GPR158: variants seen among roughly 807,000 people sequenced by gnomAD.
GPR158 encodes the protein G protein-coupled receptor 158, also known as metabotropic glycine receptor.
Under a neutral mutation model 78.2 loss-of-function variants are expected in GPR158, and 30 were observed. The ratio of observed to expected loss-of-function variants is 0.38; its 90% confidence interval spans 0.29 to 0.52. The LOEUF is 0.52. Ranked by LOEUF, GPR158 falls within the 20% of genes least tolerant of loss-of-function variation. GPR158 has a pLI of 0.83. For synonymous variants in GPR158, 581 were observed against 591.1 expected (o/e 0.98, Z 0.25); for missense variants, 1,463 against 1,523.5 (o/e 0.96, Z 0.66).
chr10:25,364,437 GAAT>G (rs1205048036), intron 2 of GPR158, among the ~76,000 whole-genome samples: 9 of 151,754 alleles, frequency 5.9e-5, no homozygotes, highest in Admixed American at 5.9e-4. Flanking sequence ...AACAATCCGT[GAAT>G]AATGATTTGA....
chr10:25,495,177 A>G (rs1209979030), intron 5 of GPR158, among the ~76,000 whole-genome samples: 1 of 151,774 alleles, frequency 6.6e-6, no homozygotes, highest in Non-Finnish European at 1.5e-5. Flanking sequence ...ATATATAAGT[A>G]CATGAGGAAC....
At position 25,350,013 on chromosome 10, in the gene GPR158, A is replaced by G. The variant is rs141490037; in HGVS notation, c.1009-45898A>G. Among the ~76,000 whole-genome samples the G allele has an allele frequency of 4.4e-3, 669 of 152,140 alleles. 6 individuals are homozygous for G. Among genetic ancestry groups the G allele is most frequent in the African/African-American group, 0.015 (634 of 41,546 alleles). The stretch of plus-strand genomic sequence containing the variant: ...GGAAGTAGTTTGATTCTTCTTGTAA[A>G]GATGACCTTGGTGGTAATAAAAGTT... On this transcript the variant is annotated intron_variant, in intron 2 of 10. Coordinates refer to ENST00000376351, the MANE Select transcript of GPR158 (RefSeq NM_020752.3).
intron 1 of GPR158, among the ~76,000 whole-genome samples, chr10:25,207,114 TTGTC>T (rs1314078097): frequency 6.6e-6 from 1 of 152,078 alleles, no homozygotes; most frequent in Non-Finnish European, 1.5e-5. Context: ...AATCTGCTCT[TTGTC>T]TGGGGGGAGA....
chr10:25,289,568 G>A (rs1481862793), intron 2 of GPR158, among the ~76,000 whole-genome samples: 2 of 151,908 alleles, frequency 1.3e-5, no homozygotes, highest in Admixed American at 1.3e-4. Flanking sequence ...GAGTAGCTGG[G>A]ACTACAGGCG....
At chr10:25,455,370 A>T (rs1176537063) in intron 4 of GPR158, among the ~76,000 whole-genome samples, 3 of 152,172 alleles carry the variant, frequency 2.0e-5, no homozygotes, top group Admixed American at 6.5e-5. Context: ...AATTGCTTTT[A>T]AAAAAATCTG....
intron 2 of GPR158, among the ~76,000 whole-genome samples, chr10:25,327,496 T>C (rs1478851700): frequency 6.6e-6 from 1 of 152,224 alleles, no homozygotes; most frequent in African/African-American, 2.4e-5. Flanking sequence ...TGGTGCACAC[T>C]GGGCTGGCTG....
chr10:25,182,355 CAT>C (rs111572973), intron 1 of GPR158, among the ~76,000 whole-genome samples: 58 of 152,272 alleles, frequency 3.8e-4, no homozygotes, highest in African/African-American at 1.3e-3. Flanking sequence ...CGAGAGAATA[CAT>C]GTTTCGACAT....
In GPR158 at chr10:25,392,076, G is replaced by T. The variant is rs146814495; in HGVS notation, c.1009-3835G>T. On this transcript the variant is annotated intron_variant, in intron 2 of 10. Transcript: ENST00000376351. ...TTTTGCCTTCCGCCATGATTGTGAG[G>T]CCTCCCCAGCCATGTGGAACTGTGA... is the stretch of plus-strand genomic sequence containing the variant. 2.8e-4 allele frequency among the ~76,000 whole-genome samples: 43 copies of T among 152,226 alleles called. No individual in the cohort carries two copies. The East Asian group carries it at 8.1e-3, about 29-fold the overall frequency.
intron 6 of GPR158, among the ~76,000 whole-genome samples, chr10:25,571,969 A>T (rs1018390796): frequency 7.2e-5 from 11 of 152,194 alleles, no homozygotes; most frequent in African/African-American, 2.4e-4. Flanking sequence ...TGATAAAATG[A>T]CCATGAAAGT....
intron 5 of GPR158, among the ~76,000 whole-genome samples, chr10:25,539,840 A>C (rs1167665241): frequency 1.3e-5 from 2 of 152,332 alleles, no homozygotes; most frequent in East Asian, 3.9e-4. Context: ...CAAAATTACT[A>C]TGGAATCAAA....
chr10:25,449,583 T>G (rs1454741970), intron 4 of GPR158, among the ~76,000 whole-genome samples: 1 of 152,174 alleles, frequency 6.6e-6, no homozygotes, highest in East Asian at 1.9e-4. Context: ...AGAACAGTGG[T>G]TACCAGGGGT....
At chr10:25,199,172 A>C (rs919007619) in intron 1 of GPR158, among the ~76,000 whole-genome samples, 2 of 150,576 alleles carry the variant, frequency 1.3e-5, no homozygotes, top group Admixed American at 1.3e-4. Flanking sequence ...TTACATGTAC[A>C]GGTCTGTTAT....
rs535545777 is a variant in GPR158 at position 25,533,887 on chromosome 10, A to G, written c.1405-17089A>G. On this transcript the variant is annotated intron_variant, in intron 5 of 10. Transcript: ENST00000376351. ...TTACCAGCTATGTGACCTGGGGCAAATTCCTTAACTTTGCCTCAGCTTCCC... is the reference window on the plus strand; with the variant it reads ...TTACCAGCTATGTGACCTGGGGCAAGTTCCTTAACTTTGCCTCAGCTTCCC... 3.3e-5 allele frequency among the ~76,000 whole-genome samples: 5 copies of G among 152,310 alleles called. 1 individual carries two copies. The South Asian group carries it at 6.2e-4, about 19-fold the overall frequency.
rs78548348 is a variant in GPR158 at position 25,211,751 on chromosome 10, G to T, written c.903-9301G>T. 5.4e-3 allele frequency among the ~76,000 whole-genome samples: 818 copies of T among 152,254 alleles called. 11 individuals carry two copies. The highest frequency in any genetic ancestry group is 0.019 in the African/African-American group (793 of 41,536). On this transcript the variant is annotated intron_variant, in intron 1 of 10. Coordinates refer to ENST00000376351, the MANE Select transcript of GPR158 (RefSeq NM_020752.3). ...ATATAATTTTACCTTTCGCAGTCAA[G>T]TTGTTAACATTTGGAATATACCTGT... is the stretch of plus-strand genomic sequence containing the variant.
intron 4 of GPR158, among the ~76,000 whole-genome samples, chr10:25,435,159 G>A (rs574318939): frequency 6.6e-6 from 1 of 152,208 alleles, no homozygotes; most frequent in South Asian, 2.1e-4. Flanking sequence ...TAAGTTCTCA[G>A]GCATTGTTTA....
intron 5 of GPR158, among the ~76,000 whole-genome samples, chr10:25,483,175 C>T (rs1185796242): frequency 6.6e-6 from 1 of 151,840 alleles, no homozygotes; most frequent in African/African-American, 2.4e-5. Flanking sequence ...GTAGTGCTAC[C>T]CCTGCTCAAA....
At chr10:25,453,257 G>T (rs1835246084) in intron 4 of GPR158, among the ~76,000 whole-genome samples, 1 of 152,108 alleles carries the variant, frequency 6.6e-6, no homozygotes, top group Admixed American at 6.5e-5. Context: ...GGGATTACTG[G>T]ATCATACGAT....
chr10:25,439,432 T>C (rs1444801056), intron 4 of GPR158, among the ~76,000 whole-genome samples: 2 of 152,150 alleles, frequency 1.3e-5, no homozygotes, highest in African/African-American at 4.8e-5. Context: ...CAATTCAAGA[T>C]GAGATTTGGG....
At chr10:25,407,108 C>T (rs1050128817) in intron 3 of GPR158, among the ~76,000 whole-genome samples, 2 of 152,106 alleles carry the variant, frequency 1.3e-5, no homozygotes, top group African/African-American at 2.4e-5. Context: ...TTTTAGGAGT[C>T]GTCTCCCAAA....
Sources: allele counts gnomAD v4.1 joint callset (sites outside exome capture counted in the v4.1 genomes callset), GRCh38; gene constraint gnomAD v4.1.1; transcripts MANE v1.5; gene names NCBI Gene and HGNC (gene_info 2026-07-23, HGNC 2026-07-21).